Variants in TMEM177 observed in about 807,000 individuals in gnomAD.
TMEM177 encodes the protein transmembrane protein 177.
In TMEM177, 4 loss-of-function variants were observed where a neutral mutation model predicts 14.2. The ratio of observed to expected loss-of-function variants is 0.28; its 90% CI spans 0.14 to 0.64. The LOEUF (loss-of-function observed/expected upper bound fraction) is 0.64. Among genes scored for constraint, TMEM177 ranks in the 30% least tolerant of loss-of-function variants. TMEM177 has a pLI of 0.82. For missense variants in TMEM177, 344 were observed against 405.2 expected, an observed-to-expected ratio of 0.85 and a Z score of 1.30; for synonymous variants, 179 against 174.5, an observed-to-expected ratio of 1.03 and a Z score of -0.20.
downstream of TMEM177, among the ~76,000 whole-genome samples, chr2:119,685,407 G>A (rs542955722): frequency 3.3e-5 from 5 of 151,970 alleles, no homozygotes; most frequent in South Asian, 2.1e-4. Flanking sequence ...AGCCTTGCCT[G>A]GAGCTGGGCG....
the TMEM177 span, among the ~76,000 whole-genome samples, chr2:119,703,279 C>A: frequency 6.6e-6 from 1 of 152,218 alleles, no homozygotes; most frequent in Non-Finnish European, 1.5e-5. Flanking sequence ...GATGGCACAT[C>A]ATGGTTTCCA....
chr2:119,692,954 A>C, the TMEM177 span, among the ~76,000 whole-genome samples: 346 of 141,888 alleles, frequency 2.4e-3, no homozygotes, highest in Admixed American at 0.01. Context: ...CCTGAGTGAC[A>C]AAGCGAGATT....
chr2:119,681,021 G>C lies in TMEM177; in HGVS notation c.168G>C (p.Pro56=), dbSNP rs116090839. The C allele has an allele frequency of 3.1e-6, 5 of 1,614,042 alleles. No individual in the cohort carries two copies. Among genetic ancestry groups the C allele is most frequent in the Middle Eastern group, 1.6e-4 (1 of 6,084 alleles). ...YQYWPQGQPA[P]LPPQLQSLFQ... is the part of the protein sequence containing the mutation. Reference sequence around the variant, plus strand: ...ACTGGCCTCAGGGCCAGCCAGCTCCGCTCCCTCCACAGCTGCAGAGCCTCT... The same window carrying C: ...ACTGGCCTCAGGGCCAGCCAGCTCCCCTCCCTCCACAGCTGCAGAGCCTCT... Residue 56 remains proline, a synonymous_variant, in exon 2 of 2, where the codon CCG becomes CCC. Coordinates refer to ENST00000272521, the MANE Select transcript of TMEM177 (RefSeq NM_030577.3).
chr2:119,680,074 G>A (rs1198200911), intron 1 of TMEM177, among the ~76,000 whole-genome samples: 1 of 152,138 alleles, frequency 6.6e-6, no homozygotes, highest in Non-Finnish European at 1.5e-5. Flanking sequence ...TTCCTGCTGT[G>A]CCTGTTTGCA....
chr2:119,693,357 G>A, the TMEM177 span, among the ~76,000 whole-genome samples: 1 of 152,212 alleles, frequency 6.6e-6, no homozygotes, highest in African/African-American at 2.4e-5. Flanking sequence ...TGCGGTCACT[G>A]TTCTGTCCTT....
chr2:119,693,306 C>T, the TMEM177 span, among the ~76,000 whole-genome samples: 1 of 152,204 alleles, frequency 6.6e-6, no homozygotes, highest in South Asian at 2.1e-4. Flanking sequence ...GACGCAGTAG[C>T]ACACAGGGCA....
the TMEM177 span, among the ~76,000 whole-genome samples, chr2:119,693,146 A>G: frequency 6.6e-6 from 1 of 152,114 alleles, no homozygotes. Flanking sequence ...GGTTGTGTCC[A>G]CAGTGAGGAG....
chr2:119,681,096 GC>G lies in TMEM177; in HGVS notation c.246del (p.Phe83SerfsTer9). The G allele has an allele frequency of 6.2e-7, 1 of 1,614,236 alleles. No homozygotes were observed. Among genetic ancestry groups the G allele is most frequent in the Non-Finnish European group, 8.5e-7 (1 of 1,180,042 alleles). ...GTGTTCCTTCAGGCCATTGCTACAA[GC>G]CCTTCACCACCTTCACCTTCCAACC... is the stretch of plus-strand genomic sequence containing the variant. ...IGVPSGHCYK[P>X]FTTFTFQPVS... On this transcript the variant is annotated frameshift_variant, in exon 2 of 2. Coordinates refer to ENST00000272521, the MANE Select transcript of TMEM177 (RefSeq NM_030577.3). LOFTEE classifies it high-confidence loss of function.
the TMEM177 span, among the ~76,000 whole-genome samples, chr2:119,697,143 C>G: frequency 6.6e-6 from 1 of 152,210 alleles, no homozygotes; most frequent in Non-Finnish European, 1.5e-5. Flanking sequence ...TCACACTCAA[C>G]TTGCCTTGAA....
At chr2:119,700,813 CTTTG>C in the TMEM177 span, among the ~76,000 whole-genome samples, 1 of 152,322 alleles carries the variant, frequency 6.6e-6, no homozygotes, top group African/African-American at 2.4e-5. Flanking sequence ...ATCCACATGG[CTTTG>C]TTTTTCTCTG....
the TMEM177 span, among the ~76,000 whole-genome samples, chr2:119,709,331 C>T: frequency 7.9e-5 from 12 of 152,198 alleles, no homozygotes; most frequent in Non-Finnish European, 1.6e-4. Flanking sequence ...CCACCACATA[C>T]TACAATCCCT....
At chr2:119,683,726 C>A (rs1574270073), downstream of TMEM177, among the ~76,000 whole-genome samples, 1 of 152,218 alleles carries the variant, frequency 6.6e-6, no homozygotes, top group East Asian at 1.9e-4. Flanking sequence ...ATGCTACCCT[C>A]CAACCTTGGC....
downstream of TMEM177, among the ~76,000 whole-genome samples, chr2:119,684,155 T>C (rs1688970120): frequency 6.6e-6 from 1 of 152,204 alleles, no homozygotes; most frequent in Non-Finnish European, 1.5e-5. Context: ...TTTCCCTTGC[T>C]CTGGATCCTA....
At chr2:119,679,912 G>A (rs1016375434) in intron 1 of TMEM177, among the ~76,000 whole-genome samples, 8 of 152,154 alleles carry the variant, frequency 5.3e-5, no homozygotes, top group East Asian at 1.9e-4. Flanking sequence ...CCGAAGTACC[G>A]GAGACTGGGT....
chr2:119,689,687 C>T (rs1013266197), downstream of TMEM177, among the ~76,000 whole-genome samples: 3 of 152,158 alleles, frequency 2.0e-5, no homozygotes, highest in African/African-American at 7.2e-5. Context: ...TGCCCTTAAC[C>T]ACTCCACCTT....
the TMEM177 span, among the ~76,000 whole-genome samples, chr2:119,709,934 G>C: frequency 6.6e-6 from 1 of 152,110 alleles, no homozygotes; most frequent in Non-Finnish European, 1.5e-5. Context: ...CAAAATGTAC[G>C]CACTTGTAAA....
At chr2:119,720,776 T>C in the TMEM177 span, among the ~76,000 whole-genome samples, 1 of 152,220 alleles carries the variant, frequency 6.6e-6, no homozygotes, top group Non-Finnish European at 1.5e-5. Flanking sequence ...AAGTTATTTT[T>C]TGTTGGGTTT....
the TMEM177 span, among the ~76,000 whole-genome samples, chr2:119,719,022 T>C: frequency 6.6e-6 from 1 of 152,198 alleles, no homozygotes; most frequent in African/African-American, 2.4e-5. Context: ...AACAAGCTCC[T>C]GGGTGATGTT....
chr2:119,717,330 GA>G, the TMEM177 span, among the ~76,000 whole-genome samples: 143 of 134,216 alleles, frequency 1.1e-3, no homozygotes, highest in Middle Eastern at 3.7e-3. Context: ...ACTCCATCTG[GA>G]AAAAAAAAAA....
Sources: allele counts gnomAD v4.1 joint callset (sites outside exome capture counted in the v4.1 genomes callset), GRCh38; gene constraint gnomAD v4.1.1; transcripts MANE v1.5; gene names NCBI Gene and HGNC (gene_info 2026-07-23, HGNC 2026-07-21).